HOXD1: variants seen among roughly 807,000 people sequenced by gnomAD.
The protein encoded by HOXD1 is homeobox D1.
A neutral mutation model predicts 19.9 loss-of-function variants in HOXD1; 17 were observed. The observed-to-expected ratio is 0.85, with a 90% CI of 0.58 to 1.28. The LOEUF (loss-of-function observed/expected upper bound fraction) is 1.28, where lower values mean the gene tolerates loss of function less well. HOXD1 is among the 50% of genes most tolerant of loss of function. The pLI, the probability that HOXD1 is intolerant of heterozygous loss-of-function variation, is 0.00. For synonymous variants in HOXD1, 239 were observed against 216.0 expected, an observed-to-expected ratio of 1.11 and a Z score of -0.93; for missense variants, 500 against 460.1, an observed-to-expected ratio of 1.09 and a Z score of -0.79.
chr2:176,189,397 C>T lies in HOXD1; in HGVS notation c.596C>T (p.Pro199Leu), dbSNP rs1278199096. Residue 199 changes from proline to leucine, a missense_variant, in exon 1 of 2, where the codon CCT (proline) becomes CTT (leucine). Transcript: ENST00000331462. ...PKSVSPASGL[P>L]AAFSTFEWMK... Reference sequence around the variant, plus strand: ...TCCGTCTCTCCCGCCTCCGGCCTCCCTGCCGCCTTCAGCACGTTCGAGTGG... The same window carrying T: ...TCCGTCTCTCCCGCCTCCGGCCTCCTTGCCGCCTTCAGCACGTTCGAGTGG... The T allele has an allele frequency of 1.2e-6, 2 of 1,613,226 alleles. No homozygotes were observed. The highest frequency in any genetic ancestry group is 1.1e-5 in the South Asian group (1 of 91,060).
Position 176,189,168 on chromosome 2 carries a change from C to G in HOXD1, c.367C>G (p.Arg123Gly), listed in dbSNP as rs1185201983. 2 of 1,550,074 alleles carry G rather than the reference C, an allele frequency of 1.3e-6. No individual in the cohort carries two copies. Among genetic ancestry groups the G allele is most frequent in the Non-Finnish European group, 1.7e-6 (2 of 1,155,356 alleles). Residue 123 changes from arginine to glycine, a missense_variant, in exon 1 of 2, where the codon CGG (arginine) becomes GGG (glycine). By Grantham distance (125) the Arg-to-Gly change is moderately radical. Coordinates refer to ENST00000331462, the MANE Select transcript of HOXD1 (RefSeq NM_024501.3). Reference sequence around the variant, plus strand: ...GTACGACTTCCCGGGCGTGCTGGGGCGGGCGGCCGACGACGGCGGGTCTCA... The same window carrying G: ...GTACGACTTCCCGGGCGTGCTGGGGGGGGCGGCCGACGACGGCGGGTCTCA... The part of the protein sequence containing the change: ...PAYDFPGVLG[R>G]AADDGGSHVH...
Position 176,188,934 on chromosome 2 carries a change from A to AACGGCG in HOXD1, c.140_145dup (p.Asp47_Gly48dup). On this transcript the variant is annotated inframe_insertion, in exon 1 of 2. Coordinates refer to ENST00000331462, the MANE Select transcript of HOXD1 (RefSeq NM_024501.3). ...TCTGCAGCCCGCCTTCCCTCTGGGC[A>AACGGCG]ACGGCGACGGCGCCTTCGTCAGCTG... is the stretch of plus-strand genomic sequence containing the variant. The AACGGCG allele has an allele frequency of 2.6e-6, 4 of 1,564,756 alleles. No homozygotes were observed. Among genetic ancestry groups the AACGGCG allele is most frequent in the Non-Finnish European group, 3.4e-6 (4 of 1,163,478 alleles).
Position 176,189,030 on chromosome 2 carries a change from C to G in HOXD1, c.229C>G (p.Pro77Ala). Residue 77 changes from proline (P) to alanine (A), a missense_variant, in exon 1 of 2, where the codon CCG becomes GCG. Transcript: ENST00000331462. ...AAPARPSVPPPAAPQYAQCTL... is the reference protein window; with the variant it reads ...AAPARPSVPPAAAPQYAQCTL... Reference sequence around the variant, plus strand: ...CCCCGCGCGGCCGTCCGTACCGCCTCCGGCCGCGCCCCAGTACGCGCAGTG... The same window carrying G: ...CCCCGCGCGGCCGTCCGTACCGCCTGCGGCCGCGCCCCAGTACGCGCAGTG... 1 of 1,413,354 alleles carries G rather than the reference C, an allele frequency of 7.1e-7. No homozygotes were observed. The highest frequency in any genetic ancestry group is 9.1e-7 in the Non-Finnish European group (1 of 1,099,038). The allele number at this position is 1,413,354 out of a possible 1,614,324, so 87.6% of individuals were successfully genotyped here. A position where few individuals can be genotyped will look rare whatever the true frequency, so the allele number is the denominator to read the frequency against.
rs1247107933 is a variant in HOXD1 at position 176,189,052 on chromosome 2, A to G, written c.251A>G (p.Gln84Arg). The change falls in exon 1 of 2, where the codon CAG (glutamine) becomes CGG (arginine). Residue 84 changes from glutamine to arginine, a missense_variant. Coordinates refer to ENST00000331462, the MANE Select transcript of HOXD1 (RefSeq NM_024501.3). The stretch of plus-strand genomic sequence containing the variant: ...CCTCCGGCCGCGCCCCAGTACGCGC[A>G]GTGCACCCTGGAGGGGGCCTACGAA... ...VPPPAAPQYA[Q>R]CTLEGAYEPG... 1.4e-6 allele frequency: 2 copies of G among 1,448,922 alleles called. No homozygotes were observed. The highest frequency in any genetic ancestry group is 2.7e-5 in the East Asian group (1 of 37,678). 89.8% of individuals were successfully genotyped at this position (1,448,922 alleles called of 1,614,324 possible).
In HOXD1 at chr2:176,188,935, A is replaced by G. The variant is rs747605973; in HGVS notation, c.134A>G (p.Asn45Ser). ...VALQPAFPLG[N>S]GDGAFVSCLP... ...CTGCAGCCCGCCTTCCCTCTGGGCA[A>G]CGGCGACGGCGCCTTCGTCAGCTGT... The change falls in exon 1 of 2, where the codon AAC (asparagine) becomes AGC (serine). Residue 45 changes from asparagine to serine, a missense_variant. Transcript: ENST00000331462. 1.3e-6 allele frequency: 2 copies of G among 1,560,844 alleles called. No homozygotes were observed. Among genetic ancestry groups the G allele is most frequent in the Admixed American group, 1.8e-5 (1 of 55,076 alleles).
intron 1 of HOXD1, 67 bp downstream of exon 1, chr2:176,189,520 C>G: frequency 6.2e-7 from 1 of 1,611,504 alleles, no homozygotes; most frequent in Non-Finnish European, 8.5e-7. Context: ...CGGAAATGCG[C>G]TGGGAGCGTG....
At position 176,189,017 on chromosome 2, in the gene HOXD1, G is replaced by A. The variant is rs1389222055; in HGVS notation, c.216G>A (p.Pro72=). 1.4e-6 allele frequency: 2 copies of A among 1,415,782 alleles called. No homozygotes were observed. The highest frequency in any genetic ancestry group is 1.6e-5 in the South Asian group (1 of 63,030). The allele number at this position is 1,415,782 out of a possible 1,614,324, so 87.7% of individuals were successfully genotyped here. The change falls in exon 1 of 2, where the codon CCG becomes CCA. Residue 72 remains proline (P), a synonymous_variant. Coordinates refer to ENST00000331462, the MANE Select transcript of HOXD1 (RefSeq NM_024501.3). The part of the protein sequence containing the change: ...SPSPPAAPAR[P]SVPPPAAPQY... ...CGCCCCCGGCCGCCCCCGCGCGGCC[G>A]TCCGTACCGCCTCCGGCCGCGCCCC...
intron 1 of HOXD1, 41 bp downstream of exon 1, chr2:176,189,494 G>A: frequency 6.2e-7 from 1 of 1,612,470 alleles, no homozygotes; most frequent in Non-Finnish European, 8.5e-7. Flanking sequence ...TGGGGTTGGG[G>A]ACGGAGCCTC....
rs773574953 is a variant in HOXD1, at chr2:176,188,771, C to T, written c.-31C>T. On this transcript the variant is annotated 5_prime_UTR_variant, in exon 1 of 2. Coordinates refer to ENST00000331462, the MANE Select transcript of HOXD1 (RefSeq NM_024501.3). ...GCCCGGCTCCGTACTCCGGCCCCGG[C>T]CTGCGCCCTCAGAAAGGTGGGGCCC... The T allele has an allele frequency of 3.4e-5, 55 of 1,599,916 alleles. No homozygotes were observed. The South Asian group carries it at 5.3e-4, about 15-fold the overall frequency.
chr2:176,188,751 G>A lies in HOXD1; in HGVS notation c.-51G>A. 1.3e-6 allele frequency: 2 copies of A among 1,572,948 alleles called. No individual in the cohort carries two copies. The highest frequency in any genetic ancestry group is 1.7e-6 in the Non-Finnish European group (2 of 1,156,258). On this transcript the variant is annotated 5_prime_UTR_variant, in exon 1 of 2. Coordinates refer to ENST00000331462, the MANE Select transcript of HOXD1 (RefSeq NM_024501.3). ...GGCAGTCCTGCTCAGCCTCTGCCCG[G>A]CTCCGTACTCCGGCCCCGGCCTGCG...
Position 176,189,799 on chromosome 2 carries a change from A to G in HOXD1, c.653-9A>G, listed in dbSNP as rs751141301. 1 of 1,612,958 alleles carries G rather than the reference A, an allele frequency of 6.2e-7. No homozygotes were observed. The highest frequency in any genetic ancestry group is 8.5e-7 in the Non-Finnish European group (1 of 1,179,212). ...CAGGCCTGGCTGACGCCCTGTCTTTACGTTGCAGGCAAACTCGCCGAGTAT... is the reference window on the plus strand; with the variant it reads ...CAGGCCTGGCTGACGCCCTGTCTTTGCGTTGCAGGCAAACTCGCCGAGTAT... On this transcript the variant is annotated splice_polypyrimidine_tract_variant and intron_variant, in intron 1 of 1. Coordinates refer to ENST00000331462, the MANE Select transcript of HOXD1 (RefSeq NM_024501.3).
rs1256665422 is a variant in HOXD1 at position 176,189,413 on chromosome 2, G to A, written c.612G>A (p.Thr204=). The A allele has an allele frequency of 6.2e-7, 1 of 1,612,936 alleles. No individual in the cohort carries two copies. The highest frequency in any genetic ancestry group is 8.5e-7 in the Non-Finnish European group (1 of 1,179,930). The change falls in exon 1 of 2, where the codon ACG becomes ACA. Residue 204 remains threonine, a synonymous_variant. Transcript: ENST00000331462. ...PASGLPAAFS[T]FEWMKVKRNA... is the part of the protein sequence containing the mutation. Reference sequence around the variant, plus strand: ...CCGGCCTCCCTGCCGCCTTCAGCACGTTCGAGTGGATGAAAGTGAAGAGGA... The same window carrying A: ...CCGGCCTCCCTGCCGCCTTCAGCACATTCGAGTGGATGAAAGTGAAGAGGA...
chr2:176,188,761 C>T lies in HOXD1; in HGVS notation c.-41C>T, dbSNP rs569189731. The T allele has an allele frequency of 5.7e-6, 9 of 1,589,502 alleles. 1 individual carries two copies. The South Asian group carries it at 8.0e-5, about 14-fold the overall frequency. On this transcript the variant is annotated 5_prime_UTR_variant, in exon 1 of 2. Coordinates refer to ENST00000331462, the MANE Select transcript of HOXD1 (RefSeq NM_024501.3). The stretch of plus-strand genomic sequence containing the variant: ...CTCAGCCTCTGCCCGGCTCCGTACT[C>T]CGGCCCCGGCCTGCGCCCTCAGAAA...
In HOXD1 at chr2:176,190,242, A is replaced by G; in HGVS notation, c.*100A>G. On this transcript the variant is annotated 3_prime_UTR_variant, in exon 2 of 2. Transcript: ENST00000331462. ...GCTCAGTTTGGGATGGAGGTGGGAG[A>G]ACAAAAATGAATAGGGATTTCACTT... 1.3e-6 allele frequency: 1 copy of G among 747,812 alleles called. No individual in the cohort carries two copies. Among genetic ancestry groups the G allele is most frequent in the Admixed American group, 2.6e-5 (1 of 39,154 alleles). The allele number at this position is 747,812 out of a possible 1,614,324, so 46.3% of individuals were successfully genotyped here.
Position 176,189,084 on chromosome 2 carries a change from G to C in HOXD1, c.283G>C (p.Ala95Pro), listed in dbSNP as rs1189044016. Residue 95 changes from alanine to proline, a missense_variant, in exon 1 of 2, where the codon GCC (alanine) becomes CCC (proline). By Grantham distance (27) the Ala-to-Pro change is conservative. Transcript: ENST00000331462. ...CCTGGAGGGGGCCTACGAACCTGGT[G>C]CCGCACCTGCCGCGGCAGCTGGGGG... ...CTLEGAYEPG[A>P]APAAAAGGAD... The C allele has an allele frequency of 2.4e-5, 36 of 1,501,612 alleles. No individual in the cohort carries two copies. Among genetic ancestry groups the C allele is most frequent in the Non-Finnish European group, 3.1e-5 (35 of 1,133,586 alleles). 93.0% of individuals were successfully genotyped at this position (1,501,612 alleles called of 1,614,324 possible).
At chr2:176,189,700 G>A in intron 1 of HOXD1, 108 bp from the exon 2 acceptor site, 1 of 1,610,096 alleles carries the variant, frequency 6.2e-7, no homozygotes. Flanking sequence ...TCTGTTCCTA[G>A]GGACCCAGGA....
rs202007469 is a variant in HOXD1, at chr2:176,189,819, G to C, written c.664G>C (p.Glu222Gln). 3 of 1,613,492 alleles carry C rather than the reference G, an allele frequency of 1.9e-6. No individual in the cohort carries two copies. The highest frequency in any genetic ancestry group is 2.5e-6 in the Non-Finnish European group (3 of 1,179,570). ...TCTTTACGTTGCAGGCAAACTCGCC[G>C]AGTATGGGGCCGCTAGCCCCTCCAG... is the stretch of plus-strand genomic sequence containing the variant. ...RNASKKGKLA[E>Q]YGAASPSSAI... Residue 222 changes from glutamate to glutamine, a missense_variant, in exon 2 of 2, where the codon GAG (glutamate) becomes CAG (glutamine). Physicochemically the swap from Glu to Gln is conservative, Grantham distance 29 (BLOSUM62 2). Transcript: ENST00000331462.
rs1239720026 is a variant in HOXD1 at position 176,189,437 on chromosome 2, G to A, written c.636G>A (p.Arg212=). 2 of 1,612,210 alleles carry A rather than the reference G, an allele frequency of 1.2e-6. No homozygotes were observed. Among genetic ancestry groups the A allele is most frequent in the African/African-American group, 1.3e-5 (1 of 74,918 alleles). Residue 212 remains arginine (R), a synonymous_variant, in exon 1 of 2, where the codon AGG becomes AGA. Transcript: ENST00000331462. ...CGTTCGAGTGGATGAAAGTGAAGAG[G>A]AATGCCTCTAAGAAAGGTAAGTCCG... is the stretch of plus-strand genomic sequence containing the variant. The part of the protein sequence containing the change: ...FSTFEWMKVK[R]NASKKGKLAE...
rs1691746635 is a variant in HOXD1, at chr2:176,189,472, G to A, written c.652+19G>A. ...AAGAAAGGTAAGTCCGCGGGCCTTG[G>A]ATGGGGCCACCTGGGGTTGGGGACG... On this transcript the variant is annotated intron_variant, in intron 1 of 1. Transcript: ENST00000331462. 1.9e-6 allele frequency: 3 copies of A among 1,611,930 alleles called. No homozygotes were observed. Among genetic ancestry groups the A allele is most frequent in the Non-Finnish European group, 1.7e-6 (2 of 1,179,298 alleles).
Sources: allele counts gnomAD v4.1 joint callset, GRCh38; gene constraint gnomAD v4.1.1; transcripts MANE v1.5; gene names NCBI Gene and HGNC (gene_info 2026-07-23, HGNC 2026-07-21).